Variants in PRSS23 observed in about 807,000 individuals in gnomAD.
PRSS23 encodes the protein serine protease 23.
In PRSS23, 25 loss-of-function variants were observed where a neutral mutation model predicts 34.7. That is an observed-to-expected ratio of 0.72 (90% CI 0.53 to 1.01). PRSS23 has a LOEUF of 1.01. PRSS23 is among the 50% of genes least tolerant of loss of function. The pLI, the probability that PRSS23 is intolerant of heterozygous loss-of-function variation, is 0.00. For missense variants in PRSS23, 445 were observed against 475.6 expected (o/e 0.94, Z 0.60); for synonymous variants, 176 against 186.6 (o/e 0.94, Z 0.46).
chr11:86,850,381 C>T (rs185121725), intron 2 of PRSS23, among the ~76,000 whole-genome samples: 1 of 152,254 alleles, frequency 6.6e-6, no homozygotes, highest in East Asian at 1.9e-4. Context: ...CCACTCAGCT[C>T]CCAACAGCAG....
intron 2 of PRSS23, among the ~76,000 whole-genome samples, chr11:86,834,560 TTCCTTTCCTTTCC>T (rs1948389433): frequency 3.6e-4 from 23 of 64,692 alleles, no homozygotes; most frequent in African/African-American, 5.3e-4. Flanking sequence ...CCTTTTTCCT[TTCCTTTCCTTTCC>T]TTTCCTTTCC....
Position 86,939,426 on chromosome 11 carries a change from A to ATATATATATTT in PRSS23, c.207-11789_207-11788insATATATATTTT. ...AAAATATATATATATATATATATAT[A>ATATATATATTT]TTTTTTAACATGAGTAAAAATTGCA... On this transcript the variant is annotated intron_variant, in intron 2 of 2. Coordinates refer to the PRSS23 transcript ENST00000533902. Among the ~76,000 whole-genome samples the ATATATATATTT allele has an allele frequency of 2.1e-3, 199 of 94,040 alleles. 2 individuals are homozygous for ATATATATATTT. Among genetic ancestry groups the ATATATATATTT allele is most frequent in the Non-Finnish European group, 3.4e-3 (146 of 43,156 alleles). 61.7% of individuals were successfully genotyped at this position (94,040 alleles called of 152,430 possible).
At chr11:86,886,987 TTAAG>T (rs1404889853) in intron 2 of PRSS23, among the ~76,000 whole-genome samples, 4 of 152,044 alleles carry the variant, frequency 2.6e-5, no homozygotes, top group African/African-American at 7.2e-5. Flanking sequence ...AGACCTAACA[TTAAG>T]TAAGTAGTCA....
At chr11:86,895,415 A>C (rs1036873943) in intron 2 of PRSS23, among the ~76,000 whole-genome samples, 21 of 152,094 alleles carry the variant, frequency 1.4e-4, no homozygotes, top group African/African-American at 5.1e-4. Context: ...GGCATTCATT[A>C]ATATTAGAAT....
rs138393515 is a variant in PRSS23, at chr11:86,893,555, G to A, written c.207-57661G>A. Among the ~76,000 whole-genome samples the A allele has an allele frequency of 1.2e-3, 183 of 152,238 alleles. 1 individual carries two copies. Among genetic ancestry groups the A allele is most frequent in the African/African-American group, 4.0e-3 (165 of 41,550 alleles). On this transcript the variant is annotated intron_variant, in intron 2 of 2. Transcript: ENST00000533902. ...CTTTGGATTTGGTTTAAGAGTCAAC[G>A]CTGGTCCTCATGGAAATAATTAAGG...
At chr11:86,857,120 T>A in intron 2 of PRSS23, 1 of 310,062 alleles carries the variant, frequency 3.2e-6, no homozygotes, top group Non-Finnish European at 6.1e-6. Context: ...TGAATGTCCC[T>A]GTTTCTCAGG....
chr11:86,951,060 G>T, intron 2 of PRSS23: 1 of 1,432,966 alleles, frequency 7.0e-7, no homozygotes, highest in South Asian at 1.1e-5. Flanking sequence ...GAGATTCACT[G>T]CATAAAACTT....
At chr11:86,880,459 A>G (rs1948765522) in intron 2 of PRSS23, among the ~76,000 whole-genome samples, 1 of 151,048 alleles carries the variant, frequency 6.6e-6, no homozygotes. Context: ...AATAAAAAAA[A>G]TAAAAAGATA....
chr11:86,810,854 T>G lies in PRSS23; in HGVS notation c.*2059T>G, dbSNP rs79270994. The G allele has an allele frequency of 0.08, 13,372 of 167,086 alleles. 759 individuals carry two copies. The highest frequency in any genetic ancestry group is 0.12 in the Non-Finnish European group (7,941 of 68,090). The allele number at this position is 167,086 out of a possible 1,614,324, so 10.4% of individuals were successfully genotyped here. A position where few individuals can be genotyped will look rare whatever the true frequency, so the allele number is the denominator to read the frequency against. The stretch of plus-strand genomic sequence containing the variant: ...ATTATAAAATAATTCAACATGTCCA[T>G]CTTTTTAGTGATAATAAAAGAAAGC... On this transcript the variant is annotated 3_prime_UTR_variant, in exon 2 of 2. Transcript: ENST00000280258.
At chr11:86,893,406 A>G (rs1267315990) in intron 2 of PRSS23, among the ~76,000 whole-genome samples, 3 of 152,206 alleles carry the variant, frequency 2.0e-5, no homozygotes, top group African/African-American at 4.8e-5. Flanking sequence ...GATAAATCCT[A>G]TTAATGCTGG....
chr11:86,866,414 G>T (rs566926150), intron 2 of PRSS23, among the ~76,000 whole-genome samples: 11 of 152,180 alleles, frequency 7.2e-5, no homozygotes, highest in Non-Finnish European at 1.6e-4. Context: ...CATTAGGAGA[G>T]ATTACGCTCT....
intron 2 of PRSS23, among the ~76,000 whole-genome samples, chr11:86,895,265 C>T (rs904995946): frequency 6.6e-6 from 1 of 152,186 alleles, no homozygotes; most frequent in Non-Finnish European, 1.5e-5. Context: ...TACTCACTGA[C>T]ATATGTGAAC....
chr11:86,799,009 T>G (rs1565346945), upstream of PRSS23, among the ~76,000 whole-genome samples: 2 of 152,208 alleles, frequency 1.3e-5, no homozygotes, highest in Non-Finnish European at 2.9e-5. Flanking sequence ...TCTCTATATA[T>G]TAATGTGACA....
intron 2 of PRSS23, among the ~76,000 whole-genome samples, chr11:86,878,473 T>C (rs7130193): frequency 0.54 from 81,217 of 151,714 alleles, 23,064 homozygotes; most frequent in African/African-American, 0.73. Flanking sequence ...CTGTGTTGGC[T>C]GGGCTGGTCT....
At chr11:86,812,799 A>AAAAAG (rs1555069893), downstream of PRSS23, among the ~76,000 whole-genome samples, 19 of 150,940 alleles carry the variant, frequency 1.3e-4, no homozygotes, top group African/African-American at 4.7e-4. Flanking sequence ...AAAAAAAAAA[A>AAAAAG]AAAAAGAAAA....
intron 2 of PRSS23, among the ~76,000 whole-genome samples, chr11:86,882,540 G>T (rs964148731): frequency 2.0e-5 from 3 of 151,676 alleles, no homozygotes; most frequent in South Asian, 4.2e-4. Context: ...GCATGATCTC[G>T]TTTTTTTAAT....
intron 2 of PRSS23, among the ~76,000 whole-genome samples, chr11:86,864,527 C>A (rs1294158070): frequency 6.6e-6 from 1 of 152,226 alleles, no homozygotes; most frequent in Non-Finnish European, 1.5e-5. Flanking sequence ...TGAACAATCA[C>A]CAGCTCTCAT....
chr11:86,868,793 C>T (rs1948666915), intron 2 of PRSS23, among the ~76,000 whole-genome samples: 1 of 152,118 alleles, frequency 6.6e-6, no homozygotes, highest in Non-Finnish European at 1.5e-5. Context: ...TCTGTCACTT[C>T]CCAACTCAGA....
At chr11:86,805,351 T>C (rs912163895) in intron 1 of PRSS23, among the ~76,000 whole-genome samples, 21 of 152,214 alleles carry the variant, frequency 1.4e-4, no homozygotes, top group African/African-American at 4.6e-4. Flanking sequence ...AAGTTCTCCA[T>C]TGGAGAGGAG....
Sources: gnomAD v4.1 joint callset for allele counts (sites outside exome capture counted in the v4.1 genomes callset) on GRCh38, gnomAD v4.1.1 for gene constraint, MANE v1.5 for transcripts, NCBI Gene and HGNC (gene_info 2026-07-23, HGNC 2026-07-21) for gene names.